ZBTB7C: variants seen among roughly 807,000 people sequenced by gnomAD.
The protein encoded by ZBTB7C is zinc finger and BTB domain-containing protein 7C.
In ZBTB7C, 8 loss-of-function variants were observed where a neutral mutation model predicts 25.7. The observed-to-expected ratio is 0.31, with a 90% CI of 0.18 to 0.56. The LOEUF is 0.56. Among genes scored for constraint, ZBTB7C ranks in the 20% least tolerant of loss-of-function variants. ZBTB7C has a pLI of 0.91. For missense variants in ZBTB7C, 824 were observed against 855.2 expected (o/e 0.96, Z 0.46); for synonymous variants, 394 against 369.0 (o/e 1.07, Z -0.78).
chr18:48,400,028 C>T (rs1025193625), intron 1 of ZBTB7C, among the ~76,000 whole-genome samples: 28 of 152,152 alleles, frequency 1.8e-4, no homozygotes, highest in Non-Finnish European at 3.7e-4. Context: ...CATTCAAAGC[C>T]ATCTGGGATG....
chr18:48,367,347 C>T (rs866596698), intron 1 of ZBTB7C, among the ~76,000 whole-genome samples: 3 of 44,836 alleles, frequency 6.7e-5, no homozygotes, highest in Non-Finnish European at 1.1e-4. Flanking sequence ...TATATGTGTG[C>T]ATATATATAT....
rs547587276 is a variant in ZBTB7C at position 48,353,776 on chromosome 18, C to T, written c.-303-15378G>A. On this transcript the variant is annotated intron_variant, in intron 1 of 4. Transcript: ENST00000590800. The stretch of plus-strand genomic sequence containing the variant: ...GCACTCCACACGTTTCTCATGATAA[C>T]CTCGTGGTTGATACTCACACAGATG... 2.0e-4 allele frequency among the ~76,000 whole-genome samples: 30 copies of T among 152,294 alleles called. No individual in the cohort carries two copies. The South Asian group carries it at 6.2e-3, about 32-fold the overall frequency.
chr18:48,158,577 GA>G (rs1403454657), intron 3 of ZBTB7C, among the ~76,000 whole-genome samples: 1 of 152,148 alleles, frequency 6.6e-6, no homozygotes, highest in Admixed American at 6.5e-5. Flanking sequence ...GAGTTTGGAG[GA>G]AGCATTCTGG....
At chr18:48,182,092 C>A (rs1241658756) in intron 3 of ZBTB7C, among the ~76,000 whole-genome samples, 1 of 152,174 alleles carries the variant, frequency 6.6e-6, no homozygotes, top group East Asian at 1.9e-4. Flanking sequence ...TAAGGAAACT[C>A]CACCAATTTG....
intron 2 of ZBTB7C, among the ~76,000 whole-genome samples, chr18:48,196,303 C>T (rs528191251): frequency 8.5e-5 from 13 of 152,262 alleles, no homozygotes; most frequent in South Asian, 4.1e-4. Flanking sequence ...CTTTCCCCTC[C>T]GTGCATCCCC....
Position 48,321,448 on chromosome 18 carries a change from G to A in ZBTB7C, c.-79+16726C>T, listed in dbSNP as rs532277258. The stretch of plus-strand genomic sequence containing the variant: ...GAAACTTGGGACTTTTTGCAGGACC[G>A]CCTCGCAGCCTGGAGAGTTGAGTGG... On this transcript the variant is annotated intron_variant, in intron 2 of 4. Coordinates refer to ENST00000590800, the MANE Select transcript of ZBTB7C (RefSeq NM_001318841.2). 6.6e-5 allele frequency among the ~76,000 whole-genome samples: 10 copies of A among 152,226 alleles called. No individual in the cohort carries two copies. The East Asian group carries it at 1.7e-3, about 26-fold the overall frequency.
chr18:48,053,627 T>G (rs1373020390), intron 3 of ZBTB7C, among the ~76,000 whole-genome samples: 2 of 152,222 alleles, frequency 1.3e-5, no homozygotes, highest in African/African-American at 2.4e-5. Context: ...GAGCCGAGGC[T>G]TGAACCTAAG....
intron 3 of ZBTB7C, among the ~76,000 whole-genome samples, chr18:48,089,850 G>A (rs1266156900): frequency 2.0e-5 from 3 of 152,242 alleles, no homozygotes; most frequent in Non-Finnish European, 4.4e-5. Context: ...AGACTCTGGA[G>A]ATGGGGTCAG....
chr18:48,239,781 A>C lies in ZBTB7C; in HGVS notation c.-78-53786T>G, dbSNP rs567635855. 7.9e-5 allele frequency among the ~76,000 whole-genome samples: 12 copies of C among 152,300 alleles called. No individual in the cohort carries two copies. In the South Asian group the frequency reaches 2.3e-3, roughly 29 times the overall value. On this transcript the variant is annotated intron_variant, in intron 2 of 4. Coordinates refer to ENST00000590800, the MANE Select transcript of ZBTB7C (RefSeq NM_001318841.2). ...CAAATGATAAGAAACCGGAAAAGTA[A>C]TTCTGGTAATATGACAAAACAAGGT... is the stretch of plus-strand genomic sequence containing the variant.
chr18:48,207,661 C>CCA (rs2042611569), intron 2 of ZBTB7C, among the ~76,000 whole-genome samples: 1 of 151,256 alleles, frequency 6.6e-6, no homozygotes, highest in South Asian at 2.1e-4. Context: ...CCTATGTTGC[C>CCA]CAGGCTGGTC....
chr18:48,259,979 T>C (rs190688066), intron 2 of ZBTB7C, among the ~76,000 whole-genome samples: 85 of 152,332 alleles, frequency 5.6e-4, no homozygotes, highest in Admixed American at 1.0e-3. Flanking sequence ...AAAGATATAC[T>C]ACCACACAGT....
At chr18:48,250,840 A>T (rs1176393776) in intron 2 of ZBTB7C, among the ~76,000 whole-genome samples, 1 of 151,458 alleles carries the variant, frequency 6.6e-6, no homozygotes, top group Non-Finnish European at 1.5e-5. Flanking sequence ...TTTCTATAAA[A>T]TTTTTCTATA....
chr18:48,268,809 T>C (rs912116212), intron 2 of ZBTB7C, among the ~76,000 whole-genome samples: 3 of 152,190 alleles, frequency 2.0e-5, no homozygotes, highest in Non-Finnish European at 4.4e-5. Context: ...ATATGCATAT[T>C]ATACTAGTCC....
intron 3 of ZBTB7C, among the ~76,000 whole-genome samples, chr18:48,090,136 G>A (rs1002770967): frequency 1.3e-5 from 2 of 152,250 alleles, no homozygotes; most frequent in African/African-American, 2.4e-5. Context: ...GCCAGAGACA[G>A]CATGTGGTTT....
At position 48,040,976 on chromosome 18, in the gene ZBTB7C, C is replaced by A. The variant is rs1004107510; in HGVS notation, c.132G>T (p.Glu44Asp). 2.5e-6 allele frequency: 4 copies of A among 1,614,052 alleles called. No homozygotes were observed. Among genetic ancestry groups the A allele is most frequent in the African/African-American group, 1.3e-5 (1 of 74,928 alleles). Reference protein sequence around the residue: ...CDVLLVVQEQEYRTHRSVLAA... With the variant: ...CDVLLVVQEQDYRTHRSVLAA... ...CCAGGACGGAGCGGTGGGTCCGATA[C>A]TCCTGCTCCTGCACCACCAGGAGCA... The change falls in exon 4 of 5, where the codon GAG becomes GAT. Residue 44 changes from glutamate to aspartate, a missense_variant. Glu to Asp is a conservative substitution (Grantham distance 45). Transcript: ENST00000590800.
chr18:48,043,831 G>A (rs575376758), intron 3 of ZBTB7C, among the ~76,000 whole-genome samples: 7 of 152,290 alleles, frequency 4.6e-5, no homozygotes, highest in African/African-American at 7.2e-5. Context: ...AGCAAATGAC[G>A]GGAAACAACC....
At chr18:48,150,436 G>A (rs1031433177) in intron 3 of ZBTB7C, 1 of 152,130 alleles carries the variant, frequency 6.6e-6, no homozygotes, top group Non-Finnish European at 1.5e-5. Context: ...ACAAAAATTA[G>A]CTGGGTCTTG....
intron 2 of ZBTB7C, among the ~76,000 whole-genome samples, chr18:48,304,265 T>C (rs1443660851): frequency 6.6e-6 from 1 of 152,220 alleles, no homozygotes; most frequent in Non-Finnish European, 1.5e-5. Context: ...TAGCCTCAAG[T>C]GCTTTTTCCA....
chr18:48,305,013 C>T (rs1452291592), intron 2 of ZBTB7C, among the ~76,000 whole-genome samples: 1 of 152,098 alleles, frequency 6.6e-6, no homozygotes, highest in African/African-American at 2.4e-5. Context: ...ATTAGCTGTG[C>T]TCTCATTGAT....
Sources: gnomAD v4.1 joint callset for allele counts (sites outside exome capture counted in the v4.1 genomes callset) on GRCh38, gnomAD v4.1.1 for gene constraint, MANE v1.5 for transcripts, NCBI Gene and HGNC (gene_info 2026-07-23, HGNC 2026-07-21) for gene names.